The following PTDSS1 variants were observed in gnomAD, a reference collection of about 807,000 sequenced individuals.
PTDSS1 encodes PSS-1.
Under a neutral mutation model 70.5 loss-of-function variants are expected in PTDSS1, and 45 were observed. The ratio of observed to expected loss-of-function variants is 0.64; its 90% confidence interval spans 0.50 to 0.82. PTDSS1 has a LOEUF of 0.82. Ranked by LOEUF, PTDSS1 falls within the 40% of genes least tolerant of loss-of-function variation. The pLI is 0.00. For synonymous variants in PTDSS1, 188 were observed against 203.8 expected (o/e 0.92, Z 0.66); for missense variants, 417 against 586.1 (o/e 0.71, Z 2.98).
chr8:96,312,895 T>A (rs1329803265), intron 9 of PTDSS1, among the ~76,000 whole-genome samples: 1 of 152,194 alleles, frequency 6.6e-6, no homozygotes, highest in African/African-American at 2.4e-5. Context: ...TCCTCTCCTA[T>A]CAAAACAGAA....
chr8:96,322,148 G>A (rs1253077432), intron 10 of PTDSS1, among the ~76,000 whole-genome samples: 1 of 152,090 alleles, frequency 6.6e-6, no homozygotes, highest in Non-Finnish European at 1.5e-5. Context: ...GCAAATCACA[G>A]GCCTCCCAGC....
At position 96,262,658 on chromosome 8, in the gene PTDSS1, C is replaced by G. The variant is rs1810426049; in HGVS notation, c.179+439C>G. Reference sequence around the variant, plus strand: ...ATACAAAGCACCCCAATCCACAGCGCCTGCAGGCACCATACACAGGCCCAG... The same window carrying G: ...ATACAAAGCACCCCAATCCACAGCGGCTGCAGGCACCATACACAGGCCCAG... On this transcript the variant is annotated intron_variant, in intron 1 of 12. Transcript: ENST00000517309. The surrounding 1 kb of genome is among the most constrained non-coding windows in gnomAD (Gnocchi z 4.4). Among the ~76,000 whole-genome samples the G allele has an allele frequency of 6.6e-6, 1 of 152,222 alleles. No individual in the cohort carries two copies. Among genetic ancestry groups the G allele is most frequent in the African/African-American group, 2.4e-5 (1 of 41,448 alleles).
chr8:96,277,206 A>G (rs1450713035), intron 2 of PTDSS1, among the ~76,000 whole-genome samples: 1 of 152,278 alleles, frequency 6.6e-6, no homozygotes, highest in Non-Finnish European at 1.5e-5. Context: ...TTTGTTTTCT[A>G]AAGATCTGTT....
At chr8:96,279,763 G>A (rs969969376) in intron 2 of PTDSS1, among the ~76,000 whole-genome samples, 3 of 151,956 alleles carry the variant, frequency 2.0e-5, no homozygotes, top group African/African-American at 7.3e-5. Flanking sequence ...AGGTTGTAGT[G>A]AGCCGAGATT....
intron 11 of PTDSS1, 105 bp from the exon 12 acceptor site, chr8:96,330,921 T>C: frequency 1.1e-6 from 1 of 934,686 alleles, no homozygotes; most frequent in Non-Finnish European, 1.7e-6. Flanking sequence ...CCAGTGATGA[T>C]CCCAGCCTGG....
At chr8:96,318,463 C>A (rs7824505) in intron 9 of PTDSS1, among the ~76,000 whole-genome samples, 67,793 of 152,004 alleles carry the variant, frequency 0.45, 15,700 homozygotes, top group Non-Finnish European at 0.48. Flanking sequence ...AGGAGTTATT[C>A]ACGAAGTCCG....
chr8:96,280,472 A>G (rs1810719829), intron 2 of PTDSS1, among the ~76,000 whole-genome samples: 1 of 151,926 alleles, frequency 6.6e-6, no homozygotes. Context: ...CAGTGAGCTG[A>G]GATTGAAGCC....
chr8:96,314,096 T>A (rs970185080), intron 9 of PTDSS1, among the ~76,000 whole-genome samples: 1 of 152,102 alleles, frequency 6.6e-6, no homozygotes, highest in Non-Finnish European at 1.5e-5. Context: ...CAGGCTGGAG[T>A]TGAGTGGCAG....
intron 9 of PTDSS1, among the ~76,000 whole-genome samples, chr8:96,316,719 CGA>C (rs2130145043): frequency 6.6e-6 from 1 of 152,188 alleles, no homozygotes; most frequent in South Asian, 2.1e-4. Context: ...ACTGGCCAGG[CGA>C]AGTGGCTCAC....
At chr8:96,271,099 A>G (rs1810559695) in intron 1 of PTDSS1, among the ~76,000 whole-genome samples, 1 of 152,190 alleles carries the variant, frequency 6.6e-6, no homozygotes, top group Admixed American at 6.5e-5. Flanking sequence ...GAAGTCCAAG[A>G]TACATCAAAG....
At chr8:96,284,188 AT>A (rs747065228) in intron 3 of PTDSS1, 35 bp downstream of exon 3, 6 of 1,549,380 alleles carry the variant, frequency 3.9e-6, no homozygotes, top group African/African-American at 1.4e-5. Flanking sequence ...AGGATGTTCT[AT>A]TTTTTTAATC....
chr8:96,319,238 CTG>C (rs1811340709), intron 9 of PTDSS1, among the ~76,000 whole-genome samples: 1 of 152,050 alleles, frequency 6.6e-6, no homozygotes, highest in African/African-American at 2.4e-5. Context: ...TAGAAAACAT[CTG>C]TGTGAGTACA....
chr8:96,303,955 A>G (rs1261021057), intron 6 of PTDSS1, 85 bp from the exon 7 acceptor site: 9 of 1,359,498 alleles, frequency 6.6e-6, no homozygotes, highest in Non-Finnish European at 9.1e-6. Flanking sequence ...TATAAAAATC[A>G]TCAGTGCACA....
chr8:96,323,006 G>C (rs993183091), intron 10 of PTDSS1, among the ~76,000 whole-genome samples: 2 of 152,218 alleles, frequency 1.3e-5, no homozygotes, highest in African/African-American at 4.8e-5. Context: ...TTGCAAATCT[G>C]AAAGGGAGAA....
chr8:96,317,027 A>G (rs202076289), intron 9 of PTDSS1, among the ~76,000 whole-genome samples: 23 of 58,588 alleles, frequency 3.9e-4, no homozygotes, highest in Admixed American at 1.1e-3. Context: ...GTATATATAT[A>G]TGTGTCTATA....
At chr8:96,272,161 C>T (rs1229955137) in intron 1 of PTDSS1, among the ~76,000 whole-genome samples, 1 of 151,992 alleles carries the variant, frequency 6.6e-6, no homozygotes, top group Non-Finnish European at 1.5e-5. Context: ...ATTTTTTTCC[C>T]CCAAGTTTAC....
intron 9 of PTDSS1, among the ~76,000 whole-genome samples, chr8:96,319,886 G>A (rs1811349872): frequency 6.6e-6 from 1 of 152,156 alleles, no homozygotes; most frequent in South Asian, 2.1e-4. Context: ...AGAAAAATAA[G>A]CCACCTTGCA....
chr8:96,292,830 A>G (rs1052907320), intron 4 of PTDSS1, among the ~76,000 whole-genome samples: 7 of 152,338 alleles, frequency 4.6e-5, no homozygotes, highest in African/African-American at 1.4e-4. Flanking sequence ...TGCTTCTGCA[A>G]AGCAGGGCCT....
intron 10 of PTDSS1, among the ~76,000 whole-genome samples, chr8:96,327,382 C>T (rs921961796): frequency 2.6e-5 from 4 of 152,072 alleles, no homozygotes; most frequent in Non-Finnish European, 1.5e-5. Flanking sequence ...AGAGGGACGT[C>T]GCCCGAAAAG....
Sources: gnomAD v4.1 joint callset for allele counts (sites outside exome capture counted in the v4.1 genomes callset) on GRCh38, gnomAD v4.1.1 for gene constraint, Gnocchi (gnomAD v3.1) non-coding constraint, MANE v1.5 for transcripts, NCBI Gene and HGNC (gene_info 2026-07-23, HGNC 2026-07-21) for gene names.